EXOC6B: variants seen among roughly 807,000 people sequenced by gnomAD.
EXOC6B encodes the protein SEC15 homolog B.
EXOC6B carries 54 observed loss-of-function variants against 113.5 expected under a neutral mutation model. The observed-to-expected ratio is 0.48, with a 90% CI of 0.38 to 0.60. The LOEUF is 0.60. EXOC6B is among the 20% of genes least tolerant of loss of function. The pLI is 0.00. For synonymous variants in EXOC6B, 357 were observed against 339.0 expected (o/e 1.05, Z -0.58); for missense variants, 797 against 977.5 (o/e 0.82, Z 2.46).
chr2:72,492,520 T>A (rs1699798968), intron 15 of EXOC6B, 91 bp from the exon 16 acceptor site: 1 of 685,110 alleles, frequency 1.5e-6, no homozygotes, highest in Non-Finnish European at 2.6e-6. Context: ...GTAATAATAA[T>A]AAAATAATAA....
intron 20 of EXOC6B, among the ~76,000 whole-genome samples, chr2:72,203,760 G>C (rs1382984186): frequency 6.6e-6 from 1 of 152,148 alleles, no homozygotes; most frequent in Non-Finnish European, 1.5e-5. Context: ...GTACAACAGA[G>C]GTATTTCCCC....
chr2:72,288,841 C>A, intron 20 of EXOC6B: 1 of 206,312 alleles, frequency 4.8e-6, no homozygotes, highest in South Asian at 8.7e-5. Context: ...CGTCCAGTTT[C>A]TAACTGTGTT....
chr2:72,747,704 C>T (rs1483242487), intron 1 of EXOC6B, among the ~76,000 whole-genome samples: 1 of 152,002 alleles, frequency 6.6e-6, no homozygotes, highest in East Asian at 1.9e-4. Flanking sequence ...ACACACTTTA[C>T]AAAGCAATCT....
chr2:72,379,438 G>A (rs1691549458), intron 19 of EXOC6B, among the ~76,000 whole-genome samples: 1 of 152,092 alleles, frequency 6.6e-6, no homozygotes, highest in Admixed American at 6.6e-5. Flanking sequence ...GACCAATCAG[G>A]TTTTCTTTAG....
intron 18 of EXOC6B, among the ~76,000 whole-genome samples, chr2:72,444,026 C>T (rs1474380404): frequency 6.6e-6 from 1 of 152,166 alleles, no homozygotes. Context: ...TCAATTGAGA[C>T]AAGGCAAGTC....
chr2:72,223,437 C>T (rs1001236858), intron 20 of EXOC6B, among the ~76,000 whole-genome samples: 4 of 152,126 alleles, frequency 2.6e-5, no homozygotes, highest in Non-Finnish European at 5.9e-5. Flanking sequence ...TAGTAGATTG[C>T]AAACAGAGCA....
At chr2:72,689,381 C>T (rs186267782) in intron 6 of EXOC6B, among the ~76,000 whole-genome samples, 42 of 152,296 alleles carry the variant, frequency 2.8e-4, no homozygotes, top group Non-Finnish European at 7.3e-5. Context: ...TCACTCACAG[C>T]GCACTTCATA....
intron 18 of EXOC6B, among the ~76,000 whole-genome samples, chr2:72,413,995 A>C (rs1035912862): frequency 6.6e-6 from 1 of 152,202 alleles, no homozygotes; most frequent in African/African-American, 2.4e-5. Context: ...AGCACAGTTG[A>C]TTTTAGTAAC....
intron 6 of EXOC6B, among the ~76,000 whole-genome samples, chr2:72,585,763 T>C (rs1309082813): frequency 6.6e-6 from 1 of 152,014 alleles, no homozygotes; most frequent in Non-Finnish European, 1.5e-5. Flanking sequence ...AGTGAAACCC[T>C]GCTAGACCAA....
chr2:72,376,456 A>G (rs1366011817), intron 19 of EXOC6B, among the ~76,000 whole-genome samples: 6 of 152,052 alleles, frequency 3.9e-5, no homozygotes, highest in Non-Finnish European at 8.8e-5. Flanking sequence ...TTCATTATGT[A>G]CTATACCTTT....
intron 17 of EXOC6B, among the ~76,000 whole-genome samples, chr2:72,477,291 A>G (rs774326732): frequency 6.6e-6 from 1 of 152,182 alleles, no homozygotes; most frequent in Non-Finnish European, 1.5e-5. Flanking sequence ...ATTTTTCTCT[A>G]AGTGTTCCCC....
chr2:72,644,922 A>G (rs1673577561), intron 6 of EXOC6B, among the ~76,000 whole-genome samples: 1 of 152,212 alleles, frequency 6.6e-6, no homozygotes, highest in Non-Finnish European at 1.5e-5. Flanking sequence ...TGACAGGATC[A>G]AATTCACACA....
chr2:72,451,430 A>G (rs1330576176), intron 18 of EXOC6B, among the ~76,000 whole-genome samples: 1 of 152,196 alleles, frequency 6.6e-6, no homozygotes. Context: ...AACAAAACAC[A>G]TAGACAAAAA....
chr2:72,616,420 TA>T (rs1302002243), intron 6 of EXOC6B, among the ~76,000 whole-genome samples: 5 of 152,162 alleles, frequency 3.3e-5, no homozygotes, highest in African/African-American at 1.2e-4. Flanking sequence ...GGTATGTGCA[TA>T]AAAACAAATA....
chr2:72,401,620 T>C lies in EXOC6B; in HGVS notation c.1981-21750A>G, dbSNP rs186776365. Among the ~76,000 whole-genome samples the C allele has an allele frequency of 9.0e-3, 319 of 35,576 alleles. 24 individuals are homozygous for C. The highest frequency in any genetic ancestry group is 0.051 in the East Asian group (93 of 1,838). 23.3% of individuals were successfully genotyped at this position (35,576 alleles called of 152,430 possible). On this transcript the variant is annotated intron_variant, in intron 18 of 21. Transcript: ENST00000272427. ...ATATATATGTGTATATATATATATA[T>C]ACATATATATATATATACATATATA...
intron 6 of EXOC6B, among the ~76,000 whole-genome samples, chr2:72,664,314 C>T (rs1371473655): frequency 6.6e-6 from 1 of 152,058 alleles, no homozygotes; most frequent in East Asian, 1.9e-4. Context: ...AATGAAGACA[C>T]TGAGGCTGAA....
chr2:72,765,349 T>G (rs1038238348), intron 1 of EXOC6B, among the ~76,000 whole-genome samples: 1 of 152,138 alleles, frequency 6.6e-6, no homozygotes, highest in Non-Finnish European at 1.5e-5. Context: ...GCATACCTGT[T>G]TATGATATTC....
chr2:72,688,714 C>T (rs1207973255), intron 6 of EXOC6B, among the ~76,000 whole-genome samples: 1 of 152,218 alleles, frequency 6.6e-6, no homozygotes, highest in Non-Finnish European at 1.5e-5. Context: ...ACAGCATCTG[C>T]TACGTCCACC....
At chr2:72,791,204 G>A (rs961903669) in intron 1 of EXOC6B, among the ~76,000 whole-genome samples, 7 of 152,044 alleles carry the variant, frequency 4.6e-5, no homozygotes, top group Non-Finnish European at 8.8e-5. Context: ...ATCATTACAC[G>A]GTGTATACAT....
Sources: allele counts gnomAD v4.1 joint callset (sites outside exome capture counted in the v4.1 genomes callset), GRCh38; gene constraint gnomAD v4.1.1; transcripts MANE v1.5; gene names NCBI Gene and HGNC (gene_info 2026-07-23, HGNC 2026-07-21).